Variants in DMXL1 observed in about 807,000 individuals in gnomAD.
DMXL1 encodes dmX-like protein 1.
DMXL1 carries 99 observed loss-of-function variants against 319.2 expected under a neutral mutation model. That is an observed-to-expected ratio of 0.31 (90% CI 0.26 to 0.37). The LOEUF (loss-of-function observed/expected upper bound fraction) is 0.37, where lower values mean the gene tolerates loss of function less well. DMXL1 is among the 10% of genes least tolerant of loss of function. DMXL1 has a pLI of 1.00. For missense variants in DMXL1, 3,745 were observed against 3,595.6 expected (o/e 1.04, Z -1.06); for synonymous variants, 1,385 against 1,235.2 (o/e 1.12, Z -2.54).
chr5:119,072,782 C>T (rs1749921091), intron 1 of DMXL1, among the ~76,000 whole-genome samples: 1 of 152,046 alleles, frequency 6.6e-6, no homozygotes, highest in Non-Finnish European at 1.5e-5. Flanking sequence ...CTGTACCTCC[C>T]CTTTAGATTG....
At chr5:119,158,992 A>G (rs1561754825) in intron 19 of DMXL1, among the ~76,000 whole-genome samples, 1 of 152,140 alleles carries the variant, frequency 6.6e-6, no homozygotes, top group Non-Finnish European at 1.5e-5. Context: ...CTGGTCTCAT[A>G]AAAAGAGGAA....
intron 19 of DMXL1, among the ~76,000 whole-genome samples, chr5:119,156,316 C>T (rs1008929113): frequency 5.3e-5 from 8 of 152,102 alleles, no homozygotes; most frequent in South Asian, 4.1e-4. Flanking sequence ...TTAGACATAA[C>T]GCTATTGCAC....
chr5:119,129,109 G>A, intron 9 of DMXL1, 102 bp from the exon 10 acceptor site: 1 of 747,862 alleles, frequency 1.3e-6, no homozygotes, highest in Non-Finnish European at 2.1e-6. Context: ...AGGACTTTCA[G>A]GCAAACAAAA....
intron 1 of DMXL1, among the ~76,000 whole-genome samples, chr5:119,095,781 T>G (rs1361523722): frequency 6.6e-6 from 1 of 152,250 alleles, no homozygotes; most frequent in Non-Finnish European, 1.5e-5. Context: ...AATGGTCTTA[T>G]GACAAGCCTT....
chr5:119,178,512 A>G (rs915583586), intron 28 of DMXL1: 18 of 625,138 alleles, frequency 2.9e-5, no homozygotes, highest in Non-Finnish European at 3.2e-5. Context: ...TTGTTTTGAA[A>G]CACACTGTAA....
At chr5:119,231,548 C>T (rs1231349011) in intron 38 of DMXL1, among the ~76,000 whole-genome samples, 1 of 152,182 alleles carries the variant, frequency 6.6e-6, no homozygotes, top group Non-Finnish European at 1.5e-5. Flanking sequence ...TTACTTGTTG[C>T]TCCTGGAGGT....
intron 19 of DMXL1, among the ~76,000 whole-genome samples, chr5:119,157,229 T>C (rs2150182076): frequency 6.6e-6 from 1 of 152,352 alleles, no homozygotes; most frequent in Non-Finnish European, 1.5e-5. Context: ...ATTAACTCCT[T>C]ATCAGATATA....
chr5:119,229,197 T>C (rs1177760055), intron 38 of DMXL1, among the ~76,000 whole-genome samples: 9 of 150,846 alleles, frequency 6.0e-5, no homozygotes, highest in Admixed American at 6.0e-4. Flanking sequence ...ATCTCGATTT[T>C]GTAGTCAGAT....
At chr5:119,197,204 T>C (rs1779796437) in intron 31 of DMXL1, among the ~76,000 whole-genome samples, 1 of 152,182 alleles carries the variant, frequency 6.6e-6, no homozygotes, top group South Asian at 2.1e-4. Context: ...CAGAAATTAG[T>C]CTGATACAAA....
At chr5:119,118,778 T>C in intron 7 of DMXL1, 37 bp from the exon 8 acceptor site, 1 of 1,504,426 alleles carries the variant, frequency 6.6e-7, no homozygotes, top group Non-Finnish European at 9.0e-7. Flanking sequence ...CTATGTGAAA[T>C]TTGTATTTTT....
intron 18 of DMXL1, among the ~76,000 whole-genome samples, chr5:119,151,275 C>G (rs1335162300): frequency 2.0e-4 from 30 of 151,806 alleles, no homozygotes; most frequent in African/African-American, 2.4e-5. Context: ...GCCATAAAAT[C>G]TCAAGTAAGT....
chr5:119,096,147 T>C (rs577351682), intron 1 of DMXL1, among the ~76,000 whole-genome samples: 3 of 151,954 alleles, frequency 2.0e-5, no homozygotes, highest in Non-Finnish European at 2.9e-5. Flanking sequence ...ATTTTGGTTT[T>C]GGTAGGAATT....
At chr5:119,165,447 T>C (rs186078649) in intron 21 of DMXL1, among the ~76,000 whole-genome samples, 167 bp downstream of exon 21, 21 of 152,334 alleles carry the variant, frequency 1.4e-4, no homozygotes, top group Admixed American at 6.5e-4. Flanking sequence ...CCCAAGTGTT[T>C]TTCAGAGTGG....
intron 1 of DMXL1, among the ~76,000 whole-genome samples, chr5:119,092,607 C>T (rs888828677): frequency 6.6e-6 from 1 of 152,158 alleles, no homozygotes; most frequent in African/African-American, 2.4e-5. Context: ...ACATTTTCCT[C>T]ACCCCCAAGA....
At chr5:119,114,869 C>A (rs1034290702) in intron 6 of DMXL1, among the ~76,000 whole-genome samples, 1 of 152,142 alleles carries the variant, frequency 6.6e-6, no homozygotes, top group Non-Finnish European at 1.5e-5. Context: ...GGGATTTCAC[C>A]ATATTGGCCA....
At chr5:119,141,007 A>T (rs1387850350) in intron 13 of DMXL1, among the ~76,000 whole-genome samples, 2 of 152,222 alleles carry the variant, frequency 1.3e-5, no homozygotes, top group Non-Finnish European at 2.9e-5. Context: ...CAAAAAACAC[A>T]TAATTTTTTT....
At chr5:119,202,864 C>CAAATATATAT (rs1780966254) in intron 32 of DMXL1, among the ~76,000 whole-genome samples, 1 of 74,316 alleles carries the variant, frequency 1.3e-5, no homozygotes, top group Non-Finnish European at 2.8e-5. Context: ...AATATACATA[C>CAAATATATAT]ATATATATAT....
intron 9 of DMXL1, among the ~76,000 whole-genome samples, chr5:119,126,326 G>A (rs1448552070): frequency 6.6e-6 from 1 of 152,088 alleles, no homozygotes; most frequent in Non-Finnish European, 1.5e-5. Flanking sequence ...ATTATTGTAT[G>A]TGCTGCATTG....
At chr5:119,208,828 C>T (rs985676431) in intron 34 of DMXL1, among the ~76,000 whole-genome samples, 1 of 152,076 alleles carries the variant, frequency 6.6e-6, no homozygotes, top group East Asian at 1.9e-4. Flanking sequence ...TCCATCAGTC[C>T]CCAGAATTTA....
Sources: gnomAD v4.1 joint callset for allele counts (sites outside exome capture counted in the v4.1 genomes callset) on GRCh38, gnomAD v4.1.1 for gene constraint, MANE v1.5 for transcripts, NCBI Gene and HGNC (gene_info 2026-07-23, HGNC 2026-07-21) for gene names.